Variants in KIF17 observed in about 807,000 individuals in gnomAD.
KIF17 encodes the protein kinesin-like protein KIF17.
Under a neutral mutation model 96.8 loss-of-function variants are expected in KIF17, and 80 were observed. The ratio of observed to expected loss-of-function variants is 0.83; its 90% confidence interval spans 0.69 to 1.00. KIF17 has a LOEUF of 1.00. KIF17 is among the 50% of genes least tolerant of loss of function. The pLI, the probability that KIF17 is intolerant of heterozygous loss-of-function variation, is 0.00. For missense variants in KIF17, 1,280 were observed against 1,372.9 expected, an observed-to-expected ratio of 0.93 and a Z score of 1.07; for synonymous variants, 567 against 587.5, an observed-to-expected ratio of 0.97 and a Z score of 0.51.
chr1:20,684,422 G>A (rs1235200177), intron 10 of KIF17, among the ~76,000 whole-genome samples: 4 of 152,380 alleles, frequency 2.6e-5, no homozygotes, highest in South Asian at 4.1e-4. Context: ...CACGGCAAGT[G>A]AGGAAAGCCC....
chr1:20,697,486 G>A (rs1011265720), intron 6 of KIF17, among the ~76,000 whole-genome samples: 1 of 152,136 alleles, frequency 6.6e-6, no homozygotes, highest in Non-Finnish European at 1.5e-5. Context: ...ATGCACCTGT[G>A]GTCCCAGCTA....
At chr1:20,665,490 C>T (rs528646276) in intron 14 of KIF17, among the ~76,000 whole-genome samples, 52 of 150,930 alleles carry the variant, frequency 3.4e-4, no homozygotes, top group African/African-American at 1.2e-3. Flanking sequence ...GCCTCCACCT[C>T]CCAAGCTCAA....
intron 7 of KIF17, among the ~76,000 whole-genome samples, chr1:20,688,150 C>T (rs1274046564): frequency 6.6e-6 from 1 of 151,986 alleles, no homozygotes; most frequent in Non-Finnish European, 1.5e-5. Context: ...AGGTTCATGC[C>T]ATTCTCCTGC....
At chr1:20,714,366 T>C (rs1044443436) in intron 2 of KIF17, among the ~76,000 whole-genome samples, 13 of 151,962 alleles carry the variant, frequency 8.6e-5, no homozygotes, top group South Asian at 4.2e-4. Context: ...GGTGGACACC[T>C]GTAATCCCAG....
chr1:20,684,291 C>T (rs978818563), intron 10 of KIF17, among the ~76,000 whole-genome samples: 2 of 152,242 alleles, frequency 1.3e-5, no homozygotes, highest in African/African-American at 4.8e-5. Flanking sequence ...ACTGTGGCCT[C>T]TGGGACTGGG....
rs143778856 is a variant in KIF17, at chr1:20,713,416, CT to C, written c.480+37del. ...AGCAGCACCAATGCCAACCTCCCCCCTACCAGCCCCACCTGCCCACAATGGG... is the reference window on the plus strand; with the variant it reads ...AGCAGCACCAATGCCAACCTCCCCCCACCAGCCCCACCTGCCCACAATGGG... On this transcript the variant is annotated intron_variant, in intron 3 of 14. Coordinates refer to ENST00000400463, the MANE Select transcript of KIF17 (RefSeq NM_001122819.3). 6,094 of 1,505,458 alleles carry C rather than the reference CT, an allele frequency of 4.0e-3. 179 individuals are homozygous for C. The African/African-American group carries it at 0.065, about 16-fold the overall frequency. 93.3% of individuals were successfully genotyped at this position (1,505,458 alleles called of 1,614,324 possible).
intron 11 of KIF17, among the ~76,000 whole-genome samples, chr1:20,678,978 T>C (rs2154535502): frequency 7.1e-6 from 1 of 140,508 alleles, no homozygotes; most frequent in East Asian, 2.0e-4. Context: ...TTTTTGTGCC[T>C]GTGAATATGG....
At chr1:20,710,452 T>A (rs551364248) in intron 3 of KIF17, among the ~76,000 whole-genome samples, 1 of 152,330 alleles carries the variant, frequency 6.6e-6, no homozygotes, top group Non-Finnish European at 1.5e-5. Flanking sequence ...CTCAGGGCGA[T>A]GGCAGCAGTA....
chr1:20,717,457 G>A lies in KIF17; in HGVS notation c.231+19C>T. 1 of 1,609,016 alleles carries A rather than the reference G, an allele frequency of 6.2e-7. No homozygotes were observed. Among genetic ancestry groups the A allele is most frequent in the East Asian group, 2.2e-5 (1 of 44,802 alleles). ...CTCATGCCCTGCCGCCTGCAGGGCG[G>A]CCTGCCGGGCGCCCTCACCTCCACC... On this transcript the variant is annotated intron_variant, in intron 1 of 14. Coordinates refer to ENST00000400463, the MANE Select transcript of KIF17 (RefSeq NM_001122819.3).
Position 20,687,722 on chromosome 1 carries a change from G to A in KIF17, c.1604C>T (p.Ser535Phe), listed in dbSNP as rs947124230. Residue 535 changes from serine to phenylalanine, a missense_variant, in exon 8 of 15, where the codon TCT becomes TTT. Transcript: ENST00000400463. The surrounding 1 kb of genome is among the most constrained non-coding windows in gnomAD (Gnocchi z 4.4). ...CGAGGATGACTCACTGGAGCCCAGA[G>A]AAATCTCAGATTTGGAGGGTTCCAC... ...PKVEPSKSEISLGSSESSSLE... is the reference protein window; with the variant it reads ...PKVEPSKSEIFLGSSESSSLE... 5.0e-6 allele frequency: 8 copies of A among 1,614,104 alleles called. No individual in the cohort carries two copies. The highest frequency in any genetic ancestry group is 5.1e-6 in the Non-Finnish European group (6 of 1,180,046).
intron 7 of KIF17, among the ~76,000 whole-genome samples, chr1:20,688,787 C>T (rs1204034338): frequency 6.6e-6 from 1 of 152,156 alleles, no homozygotes; most frequent in Admixed American, 6.5e-5. Context: ...CTGCTGGAGG[C>T]CTCATATTCA....
rs1436276510 is a variant in KIF17, at chr1:20,707,781, A to ATGTGTGTGTG, written c.670+1857_670+1858insCACACACACA. Reference sequence around the variant, plus strand: ...CTGTCTCAAAAAAAAAAACAAACCAATGTGTATGTGTGTGTGTGTGTGTGT... The same window carrying ATGTGTGTGTG: ...CTGTCTCAAAAAAAAAAACAAACCAATGTGTGTGTGTGTGTATGTGTGTGTGTGTGTGTGT... On this transcript the variant is annotated intron_variant, in intron 4 of 14. Coordinates refer to ENST00000400463, the MANE Select transcript of KIF17 (RefSeq NM_001122819.3). Among the ~76,000 whole-genome samples the ATGTGTGTGTG allele has an allele frequency of 2.7e-3, 242 of 90,928 alleles. 3 individuals are homozygous for ATGTGTGTGTG. Among genetic ancestry groups the ATGTGTGTGTG allele is most frequent in the African/African-American group, 0.011 (229 of 19,950 alleles). The allele number at this position is 90,928 out of a possible 152,430, so 59.7% of individuals were successfully genotyped here. A position where few individuals can be genotyped will look rare whatever the true frequency, so the allele number is the denominator to read the frequency against.
chr1:20,674,290 C>T (rs1379983134), intron 11 of KIF17, among the ~76,000 whole-genome samples: 1 of 151,912 alleles, frequency 6.6e-6, no homozygotes, highest in Non-Finnish European at 1.5e-5. Context: ...CCATAAAATT[C>T]TCACTCTGTC....
intron 10 of KIF17, among the ~76,000 whole-genome samples, chr1:20,684,301 G>A (rs1053585886): frequency 6.6e-6 from 1 of 152,222 alleles, no homozygotes; most frequent in Non-Finnish European, 1.5e-5. Context: ...CTGGGACTGG[G>A]TCTCCGCCTG....
At chr1:20,690,454 AT>A in intron 6 of KIF17, 119 bp from the exon 7 acceptor site, 1 of 863,654 alleles carries the variant, frequency 1.2e-6, no homozygotes. Context: ...AGCCAAGAGA[AT>A]CCAATGGTAC....
chr1:20,697,199 G>A, intron 6 of KIF17, among the ~76,000 whole-genome samples: 1 of 152,220 alleles, frequency 6.6e-6, no homozygotes, highest in East Asian at 1.9e-4. Context: ...ACGGACCCCA[G>A]TGGGAGGTGG....
chr1:20,702,713 C>T (rs1414340456), intron 5 of KIF17, among the ~76,000 whole-genome samples: 2 of 152,236 alleles, frequency 1.3e-5, no homozygotes, highest in East Asian at 1.9e-4. Context: ...AATTTCTCCT[C>T]TTCCAAGACT....
At chr1:20,703,204 G>A (rs1350398767) in intron 5 of KIF17, among the ~76,000 whole-genome samples, 1 of 140,936 alleles carries the variant, frequency 7.1e-6, no homozygotes, top group Non-Finnish European at 1.5e-5. Context: ...GATGGGAGAT[G>A]GAAGGATGGA....
rs1477773741 is a variant in KIF17, at chr1:20,700,394, G to A, written c.1124-1906C>T. Among the ~76,000 whole-genome samples the A allele has an allele frequency of 6.6e-6, 1 of 152,168 alleles. No individual in the cohort carries two copies. Among genetic ancestry groups the A allele is most frequent in the African/African-American group, 2.4e-5 (1 of 41,442 alleles). On this transcript the variant is annotated intron_variant, in intron 5 of 14. Transcript: ENST00000400463. The surrounding 1 kb of genome is among the most constrained non-coding windows in gnomAD (Gnocchi z 4.6). ...CCAGGCTGTAGCCAGTTTTGAAGGTGGAGATGGCAGGATCTGCTGACCAAC... is the reference window on the plus strand; with the variant it reads ...CCAGGCTGTAGCCAGTTTTGAAGGTAGAGATGGCAGGATCTGCTGACCAAC...
Sources: gnomAD v4.1 joint callset for allele counts (sites outside exome capture counted in the v4.1 genomes callset) on GRCh38, gnomAD v4.1.1 for gene constraint, Gnocchi (gnomAD v3.1) non-coding constraint, MANE v1.5 for transcripts, NCBI Gene and HGNC (gene_info 2026-07-23, HGNC 2026-07-21) for gene names.